LIN9: variants seen among roughly 807,000 people sequenced by gnomAD.
The protein encoded by LIN9 is lin-9 DREAM MuvB core complex component.
A neutral mutation model predicts 78.0 loss-of-function variants in LIN9; 18 were observed. The ratio of observed to expected loss-of-function variants is 0.23; its 90% CI spans 0.16 to 0.34. LIN9 has a LOEUF of 0.34. Ranked by LOEUF, LIN9 falls within the 10% of genes least tolerant of loss-of-function variation. The pLI is 1.00. For missense variants in LIN9, 451 were observed against 644.1 expected (o/e 0.70, Z 3.25); for synonymous variants, 192 against 215.2 (o/e 0.89, Z 0.94).
chr1:226,240,532 G>A (rs1442279504), intron 11 of LIN9, among the ~76,000 whole-genome samples: 2 of 152,044 alleles, frequency 1.3e-5, no homozygotes, highest in Non-Finnish European at 2.9e-5. Flanking sequence ...GGGACTACAG[G>A]TGCGTGCCAT....
At chr1:226,290,045 T>C (rs888868687) in intron 4 of LIN9, among the ~76,000 whole-genome samples, 3 of 152,032 alleles carry the variant, frequency 2.0e-5, no homozygotes, top group African/African-American at 7.2e-5. Flanking sequence ...ATTTGATCCT[T>C]AAAATATTTT....
At chr1:226,297,609 G>A (rs1662236178) in intron 3 of LIN9, 110 bp downstream of exon 3, 2 of 561,524 alleles carry the variant, frequency 3.6e-6, no homozygotes, top group African/African-American at 2.3e-5. Context: ...ACTTGAGGTT[G>A]GGAAAAAAAC....
chr1:226,251,509 T>C (rs1012111297), intron 10 of LIN9, among the ~76,000 whole-genome samples: 1 of 152,186 alleles, frequency 6.6e-6, no homozygotes, highest in African/African-American at 2.4e-5. Flanking sequence ...ATTACAGGCA[T>C]GAGCCAGGGC....
intron 6 of LIN9, among the ~76,000 whole-genome samples, chr1:226,284,732 A>C (rs1300049339): frequency 6.6e-6 from 1 of 152,182 alleles, no homozygotes; most frequent in Non-Finnish European, 1.5e-5. Context: ...TCAACAAAAC[A>C]ACAAAAAAGG....
At chr1:226,274,132 C>T (rs986731529) in intron 7 of LIN9, among the ~76,000 whole-genome samples, 18 of 152,300 alleles carry the variant, frequency 1.2e-4, no homozygotes, top group Non-Finnish European at 2.4e-4. Flanking sequence ...TACGCCTGGC[C>T]TTAACATTAC....
At position 226,300,040 on chromosome 1, in the gene LIN9, A is replaced by G. The variant is rs981017894; in HGVS notation, c.64+1133T>C. 2.0e-5 allele frequency among the ~76,000 whole-genome samples: 3 copies of G among 151,862 alleles called. No homozygotes were observed. In the South Asian group the frequency reaches 6.3e-4, roughly 32 times the overall value. On this transcript the variant is annotated intron_variant, in intron 2 of 14. Transcript: ENST00000681046. ...GGCAATCTCTGCCTCCCAGGTTCAA[A>G]CAATTCTCCTGCCTCAGCCTCTCAA...
intron 7 of LIN9, 57 bp from the exon 8 acceptor site, chr1:226,268,147 T>C: frequency 6.5e-7 from 1 of 1,536,706 alleles, no homozygotes; most frequent in South Asian, 1.2e-5. Flanking sequence ...TAGTCAAATA[T>C]AAAACTGTTC....
intron 10 of LIN9, among the ~76,000 whole-genome samples, chr1:226,264,967 T>A (rs1344302716): frequency 6.6e-6 from 1 of 152,194 alleles, no homozygotes; most frequent in African/African-American, 2.4e-5. Context: ...AACTAAAAAA[T>A]TTATTTAATC....
At chr1:226,286,650 T>C (rs1231474457) in intron 5 of LIN9, among the ~76,000 whole-genome samples, 192 bp from the exon 6 acceptor site, 1 of 152,198 alleles carries the variant, frequency 6.6e-6, no homozygotes, top group African/African-American at 2.4e-5. Flanking sequence ...GCTCAGGAAA[T>C]ATTATTTGTG....
chr1:226,266,557 A>G (rs1659920530), intron 8 of LIN9, among the ~76,000 whole-genome samples: 1 of 150,508 alleles, frequency 6.6e-6, no homozygotes. Flanking sequence ...TGCCAAAAGG[A>G]TGAACCTCCA....
At chr1:226,253,919 A>C (rs1462008652) in intron 10 of LIN9, among the ~76,000 whole-genome samples, 1 of 152,102 alleles carries the variant, frequency 6.6e-6, no homozygotes, top group African/African-American at 2.4e-5. Flanking sequence ...TGTTTCAAAA[A>C]AGAAAAAAAA....
At chr1:226,260,643 T>C in intron 10 of LIN9, among the ~76,000 whole-genome samples, 1 of 124,112 alleles carries the variant, frequency 8.1e-6, no homozygotes, top group Admixed American at 8.1e-5. Flanking sequence ...TTTTTTTTTT[T>C]TTTTTTTTTT....
At chr1:226,249,518 A>C (rs1658694057) in intron 11 of LIN9, among the ~76,000 whole-genome samples, 1 of 152,184 alleles carries the variant, frequency 6.6e-6, no homozygotes. Context: ...GGATAAAAAA[A>C]ATTCTATAAT....
intron 10 of LIN9, among the ~76,000 whole-genome samples, chr1:226,255,005 A>G (rs1052450694): frequency 6.6e-6 from 1 of 152,118 alleles, no homozygotes; most frequent in African/African-American, 2.4e-5. Context: ...GGAAAGAATG[A>G]AAGGCAAGTA....
intron 11 of LIN9, among the ~76,000 whole-genome samples, chr1:226,240,752 A>G (rs1658060253): frequency 6.6e-6 from 1 of 151,866 alleles, no homozygotes; most frequent in African/African-American, 2.4e-5. Flanking sequence ...TGGCATGATC[A>G]TAACTCAGTG....
chr1:226,282,710 A>G (rs1661143987), intron 6 of LIN9, among the ~76,000 whole-genome samples: 1 of 152,140 alleles, frequency 6.6e-6, no homozygotes, highest in Admixed American at 6.5e-5. Context: ...AATCCCAGCT[A>G]CTCAGGAGCC....
At chr1:226,284,056 T>C (rs1388404034) in intron 6 of LIN9, among the ~76,000 whole-genome samples, 2 of 152,230 alleles carry the variant, frequency 1.3e-5, no homozygotes, top group African/African-American at 4.8e-5. Context: ...ATTTAAATCT[T>C]CAATCCTTTT....
intron 7 of LIN9, among the ~76,000 whole-genome samples, chr1:226,270,775 G>A (rs1221396210): frequency 7.2e-6 from 1 of 139,514 alleles, no homozygotes; most frequent in Non-Finnish European, 1.5e-5. Context: ...CAGTGAGCCA[G>A]GATAGTACCA....
At chr1:226,302,590 G>C (rs548045157) in intron 1 of LIN9, among the ~76,000 whole-genome samples, 1 of 150,046 alleles carries the variant, frequency 6.7e-6, no homozygotes, top group African/African-American at 2.4e-5. Flanking sequence ...GAAGCTTTTT[G>C]AGAGTGAGAA....
Sources: gnomAD v4.1 joint callset for allele counts (sites outside exome capture counted in the v4.1 genomes callset) on GRCh38, gnomAD v4.1.1 for gene constraint, MANE v1.5 for transcripts, NCBI Gene and HGNC (gene_info 2026-07-23, HGNC 2026-07-21) for gene names.